CADPS2: variants seen among roughly 807,000 people sequenced by gnomAD.
CADPS2 encodes the protein calcium dependent secretion activator 2.
Under a neutral mutation model 172.5 loss-of-function variants are expected in CADPS2, and 93 were observed. The ratio of observed to expected loss-of-function variants is 0.54; its 90% CI spans 0.46 to 0.64. The LOEUF is 0.64. Among genes scored for constraint, CADPS2 ranks in the 30% least tolerant of loss-of-function variants. CADPS2 has a pLI of 0.00. For missense variants in CADPS2, 1,420 were observed against 1,565.9 expected, an observed-to-expected ratio of 0.91 and a Z score of 1.57; for synonymous variants, 546 against 555.2, an observed-to-expected ratio of 0.98 and a Z score of 0.23.
intron 18 of CADPS2, 87 bp downstream of exon 18, chr7:122,415,974 C>T (rs1300992361): frequency 1.1e-5 from 8 of 718,748 alleles, no homozygotes; most frequent in Non-Finnish European, 1.8e-5. Flanking sequence ...TGTATCAAGA[C>T]TATGGGCAGG....
At chr7:122,601,061 C>T (rs189542734) in intron 6 of CADPS2, among the ~76,000 whole-genome samples, 6 of 152,128 alleles carry the variant, frequency 3.9e-5, no homozygotes, top group African/African-American at 1.4e-4. Flanking sequence ...GAATCATATT[C>T]ATAGTGCATA....
intron 1 of CADPS2, among the ~76,000 whole-genome samples, chr7:122,847,280 T>G (rs2141023794): frequency 6.6e-6 from 1 of 152,232 alleles, no homozygotes; most frequent in African/African-American, 2.4e-5. Flanking sequence ...AGAGACAGGG[T>G]TTTGCCATGT....
At chr7:122,808,088 T>C (rs1273128378) in intron 1 of CADPS2, among the ~76,000 whole-genome samples, 1 of 152,182 alleles carries the variant, frequency 6.6e-6, no homozygotes, top group Non-Finnish European at 1.5e-5. Flanking sequence ...ACAACTAATA[T>C]ACTGAATAAA....
intron 20 of CADPS2, among the ~76,000 whole-genome samples, chr7:122,399,965 C>T (rs942290562): frequency 2.0e-5 from 3 of 147,484 alleles, no homozygotes; most frequent in African/African-American, 5.0e-5. Context: ...TGAGCCACCG[C>T]GCCCGGCCAA....
At chr7:122,775,141 T>C (rs2093836315) in intron 1 of CADPS2, among the ~76,000 whole-genome samples, 1 of 152,208 alleles carries the variant, frequency 6.6e-6, no homozygotes, top group East Asian at 1.9e-4. Context: ...GGGTACACCG[T>C]GTCTTTTATC....
intron 1 of CADPS2, among the ~76,000 whole-genome samples, chr7:122,804,285 T>C (rs1798320184): frequency 6.6e-6 from 1 of 152,182 alleles, no homozygotes; most frequent in Non-Finnish European, 1.5e-5. Flanking sequence ...GACAAGGCAT[T>C]AGCTATCAGT....
chr7:122,477,642 G>A (rs1251321151), intron 12 of CADPS2, among the ~76,000 whole-genome samples: 2 of 151,816 alleles, frequency 1.3e-5, no homozygotes, highest in Admixed American at 1.3e-4. Context: ...GATGTAATAC[G>A]GCTGAAATGC....
intron 8 of CADPS2, among the ~76,000 whole-genome samples, chr7:122,517,506 T>C (rs1233358945): frequency 1.3e-5 from 2 of 152,122 alleles, no homozygotes; most frequent in Non-Finnish European, 2.9e-5. Flanking sequence ...TATACCATTT[T>C]GAGTTACCAT....
At chr7:122,456,936 G>A (rs1046575032) in intron 14 of CADPS2, among the ~76,000 whole-genome samples, 4 of 152,088 alleles carry the variant, frequency 2.6e-5, no homozygotes, top group South Asian at 2.1e-4. Flanking sequence ...TAAAACAAAC[G>A]CAAAAACTCT....
chr7:122,754,744 G>C (rs2093089962), intron 1 of CADPS2, among the ~76,000 whole-genome samples: 1 of 152,016 alleles, frequency 6.6e-6, no homozygotes, highest in Admixed American at 6.5e-5. Context: ...CAAAGTGCTG[G>C]GATTACTGGC....
rs1226665400 is a variant in CADPS2, at chr7:122,630,930, TAACA to T, written c.787-1606_787-1603del. On this transcript the variant is annotated intron_variant, in intron 3 of 29. Transcript: ENST00000449022. ...GAGTTTCTATGTCATCTCATAAAAC[TAACA>T]AACAATTTTAATTGATTAATATGAT... Among the ~76,000 whole-genome samples, 14 of 152,186 alleles carry T rather than the reference TAACA, an allele frequency of 9.2e-5. No individual in the cohort carries two copies. In the East Asian group the frequency reaches 9.7e-4, roughly 11 times the overall value.
intron 9 of CADPS2, among the ~76,000 whole-genome samples, chr7:122,503,825 G>T (rs1033444049): frequency 6.6e-6 from 1 of 152,162 alleles, no homozygotes; most frequent in Non-Finnish European, 1.5e-5. Flanking sequence ...GGGAAAAAAA[G>T]CCATCTCATA....
chr7:122,545,989 C>T (rs1266942176), intron 8 of CADPS2, among the ~76,000 whole-genome samples: 1 of 151,770 alleles, frequency 6.6e-6, no homozygotes, highest in Non-Finnish European at 1.5e-5. Context: ...AGTAACAAGC[C>T]GATCTTTTTT....
chr7:122,700,966 T>C (rs1317121098), intron 2 of CADPS2, among the ~76,000 whole-genome samples: 1 of 152,144 alleles, frequency 6.6e-6, no homozygotes, highest in Non-Finnish European at 1.5e-5. Flanking sequence ...TGAGTAGCTT[T>C]GGAAACTAGA....
intron 1 of CADPS2, among the ~76,000 whole-genome samples, chr7:122,866,697 T>C (rs1818407384): frequency 6.6e-6 from 1 of 152,142 alleles, no homozygotes; most frequent in Admixed American, 6.5e-5. Flanking sequence ...CAAGACTGTC[T>C]CAAACCAAAA....
intron 17 of CADPS2, among the ~76,000 whole-genome samples, chr7:122,417,711 A>C (rs1022460879): frequency 6.6e-6 from 1 of 152,242 alleles, no homozygotes; most frequent in Admixed American, 6.5e-5. Context: ...GTTTGGAAGC[A>C]ACATGAGGCA....
intron 6 of CADPS2, among the ~76,000 whole-genome samples, chr7:122,590,934 A>G (rs2070694803): frequency 6.6e-6 from 1 of 151,960 alleles, no homozygotes; most frequent in Non-Finnish European, 1.5e-5. Flanking sequence ...AATTTTCTAT[A>G]CATCTAATTA....
chr7:122,396,056 C>T (rs761660673), intron 20 of CADPS2, among the ~76,000 whole-genome samples: 8 of 152,140 alleles, frequency 5.3e-5, no homozygotes, highest in Admixed American at 6.5e-5. Flanking sequence ...GTGATCCACC[C>T]GCCTCGGCTT....
intron 1 of CADPS2, among the ~76,000 whole-genome samples, chr7:122,827,546 C>T (rs1023862545): frequency 1.3e-5 from 2 of 151,564 alleles, no homozygotes; most frequent in African/African-American, 2.4e-5. Context: ...GCAGGAGAAT[C>T]GTTTGAACCT....
Sources: allele counts gnomAD v4.1 joint callset (sites outside exome capture counted in the v4.1 genomes callset), GRCh38; gene constraint gnomAD v4.1.1; transcripts MANE v1.5; gene names NCBI Gene and HGNC (gene_info 2026-07-23, HGNC 2026-07-21).